PARD3B: variants seen among roughly 807,000 people sequenced by gnomAD.
PARD3B encodes par-3 family cell polarity regulator beta, also known as partitioning defective 3 homolog B.
A neutral mutation model predicts 130.2 loss-of-function variants in PARD3B; 103 were observed. That is an observed-to-expected ratio of 0.79 (90% CI 0.67 to 0.93). The LOEUF is 0.93. Among genes scored for constraint, PARD3B ranks in the 40% least tolerant of loss-of-function variants. PARD3B has a pLI of 0.00. For missense variants in PARD3B, 1,609 were observed against 1,499.2 expected, an observed-to-expected ratio of 1.07 and a Z score of -1.21; for synonymous variants, 583 against 553.2, an observed-to-expected ratio of 1.05 and a Z score of -0.76.
intron 11 of PARD3B, among the ~76,000 whole-genome samples, chr2:205,164,620 T>G (rs1221208472): frequency 6.6e-6 from 1 of 151,976 alleles, no homozygotes; most frequent in Non-Finnish European, 1.5e-5. Context: ...TGCTACAACA[T>G]TTTGATGTGT....
At chr2:205,037,465 T>C (rs1309609001) in intron 3 of PARD3B, among the ~76,000 whole-genome samples, 2 of 147,882 alleles carry the variant, frequency 1.4e-5, no homozygotes, top group Non-Finnish European at 3.0e-5. Context: ...GTGGACTATA[T>C]GCATAAAATA....
intron 2 of PARD3B, among the ~76,000 whole-genome samples, chr2:204,802,885 T>C (rs1317063514): frequency 6.6e-6 from 1 of 151,982 alleles, no homozygotes; most frequent in African/African-American, 2.4e-5. Context: ...AAATACCTAA[T>C]GTAGATGATG....
intron 2 of PARD3B, among the ~76,000 whole-genome samples, chr2:204,940,857 C>T (rs182363088): frequency 6.6e-6 from 1 of 151,870 alleles, no homozygotes; most frequent in Admixed American, 6.6e-5. Context: ...GTACCACTGT[C>T]AATAAGATAG....
At chr2:204,792,544 A>ATT (rs59942373) in intron 2 of PARD3B, among the ~76,000 whole-genome samples, 11 of 151,284 alleles carry the variant, frequency 7.3e-5, no homozygotes, top group Admixed American at 3.3e-4. Context: ...AAGTAAGACC[A>ATT]TTTTTTTTTA....
At chr2:204,729,289 A>T (rs1184286276) in intron 2 of PARD3B, among the ~76,000 whole-genome samples, 1 of 152,174 alleles carries the variant, frequency 6.6e-6, no homozygotes, top group East Asian at 1.9e-4. Flanking sequence ...ATTGATACTG[A>T]TGTCTCTTTC....
At chr2:204,832,402 CAT>C (rs1436852430) in intron 2 of PARD3B, among the ~76,000 whole-genome samples, 2 of 151,928 alleles carry the variant, frequency 1.3e-5, no homozygotes, top group Non-Finnish European at 2.9e-5. Context: ...TAATCATTGA[CAT>C]ATAGAAAAGT....
chr2:205,191,674 C>A (rs2036404636), intron 14 of PARD3B, among the ~76,000 whole-genome samples: 1 of 152,200 alleles, frequency 6.6e-6, no homozygotes, highest in Admixed American at 6.5e-5. Context: ...TTCACTCATT[C>A]TATTCTCTCA....
intron 20 of PARD3B, among the ~76,000 whole-genome samples, chr2:205,459,641 T>A (rs1235946007): frequency 6.6e-6 from 1 of 152,174 alleles, no homozygotes; most frequent in Admixed American, 6.6e-5. Flanking sequence ...GTCACTGTTG[T>A]GCTCCTGGGC....
chr2:204,804,724 T>C (rs1435580513), intron 2 of PARD3B, among the ~76,000 whole-genome samples: 1 of 152,222 alleles, frequency 6.6e-6, no homozygotes. Flanking sequence ...GGATAGACCG[T>C]ATGTTAGGTC....
chr2:204,684,676 A>G (rs1238650123), intron 1 of PARD3B, among the ~76,000 whole-genome samples: 2 of 152,184 alleles, frequency 1.3e-5, no homozygotes, highest in African/African-American at 4.8e-5. Flanking sequence ...CCTCTGGTTA[A>G]AGAAACTGAA....
intron 12 of PARD3B, among the ~76,000 whole-genome samples, chr2:205,174,789 C>A (rs555996481): frequency 6.6e-6 from 1 of 152,284 alleles, no homozygotes; most frequent in African/African-American, 2.4e-5. Context: ...TGGGATTTTT[C>A]CCGCATTACC....
chr2:204,955,516 G>A (rs1320816552), intron 2 of PARD3B, among the ~76,000 whole-genome samples: 1 of 152,202 alleles, frequency 6.6e-6, no homozygotes, highest in East Asian at 1.9e-4. Context: ...ATATGGCAGA[G>A]GCTTTGTTCT....
At chr2:205,302,566 T>A (rs1559640385) in intron 18 of PARD3B, among the ~76,000 whole-genome samples, 1 of 152,188 alleles carries the variant, frequency 6.6e-6, no homozygotes, top group Non-Finnish European at 1.5e-5. Context: ...TGAAAATAAA[T>A]ACTTCCTCTG....
At chr2:205,082,025 A>AAT (rs1240648764) in intron 4 of PARD3B, among the ~76,000 whole-genome samples, 2 of 152,074 alleles carry the variant, frequency 1.3e-5, no homozygotes, top group African/African-American at 4.8e-5. Flanking sequence ...AAGGTTTATA[A>AAT]ATATATATTC....
intron 18 of PARD3B, among the ~76,000 whole-genome samples, chr2:205,387,309 T>C (rs1052095825): frequency 6.6e-6 from 1 of 152,208 alleles, no homozygotes; most frequent in Non-Finnish European, 1.5e-5. Flanking sequence ...TAGAACTACC[T>C]CTCCTCCCTC....
rs2051302211 is a variant in PARD3B at position 205,525,599 on chromosome 2, C to A, written c.3180+25568C>A. On this transcript the variant is annotated intron_variant, in intron 21 of 22. Transcript: ENST00000406610. This position sits in a 1 kb window ranked among gnomAD's most constrained non-coding sequence, Gnocchi z 4.2. ...ACTTTATTAGCTCCTAGACTGAGGT[C>A]TATTGTGCGGATGCTAATCTAATAA... Among the ~76,000 whole-genome samples, 1 of 152,136 alleles carries A rather than the reference C, an allele frequency of 6.6e-6. No homozygotes were observed. The highest frequency in any genetic ancestry group is 1.5e-5 in the Non-Finnish European group (1 of 68,032).
intron 18 of PARD3B, among the ~76,000 whole-genome samples, chr2:205,347,528 A>C (rs2043837616): frequency 6.6e-6 from 1 of 152,212 alleles, no homozygotes; most frequent in South Asian, 2.1e-4. Flanking sequence ...ATATAATGGG[A>C]GGCCAGTAGT....
At chr2:204,934,377 C>CG (rs34416401) in intron 2 of PARD3B, among the ~76,000 whole-genome samples, 20 of 152,238 alleles carry the variant, frequency 1.3e-4, no homozygotes, top group Middle Eastern at 6.8e-3. Flanking sequence ...CTGCTAGTTT[C>CG]GGGGGGAACA....
chr2:205,271,366 A>G (rs1028762384), intron 16 of PARD3B, among the ~76,000 whole-genome samples: 2 of 152,236 alleles, frequency 1.3e-5, no homozygotes, highest in Non-Finnish European at 2.9e-5. Context: ...GGACACCCCC[A>G]TAATCCCCTT....
Sources: allele counts gnomAD v4.1 joint callset (sites outside exome capture counted in the v4.1 genomes callset), GRCh38; gene constraint gnomAD v4.1.1; non-coding constraint Gnocchi (gnomAD v3.1); transcripts MANE v1.5; gene names NCBI Gene and HGNC (gene_info 2026-07-23, HGNC 2026-07-21).